DYNC1I1: variants seen among roughly 807,000 people sequenced by gnomAD.
DYNC1I1 encodes dynein cytoplasmic 1 intermediate chain 1.
A neutral mutation model predicts 86.6 loss-of-function variants in DYNC1I1; 43 were observed. That is an observed-to-expected ratio of 0.50 (90% CI 0.39 to 0.64). The LOEUF is 0.64. Among genes scored for constraint, DYNC1I1 ranks in the 30% least tolerant of loss-of-function variants. DYNC1I1 has a pLI of 0.00. For synonymous variants in DYNC1I1, 262 were observed against 283.7 expected, an observed-to-expected ratio of 0.92 and a Z score of 0.77; for missense variants, 604 against 788.8, an observed-to-expected ratio of 0.77 and a Z score of 2.81.
At chr7:96,043,539 A>T (rs74685966) in intron 14 of DYNC1I1, among the ~76,000 whole-genome samples, 1 of 69,364 alleles carries the variant, frequency 1.4e-5, no homozygotes, top group South Asian at 3.2e-4. Context: ...ACAATGTATT[A>T]AAAAAAAAAA....
chr7:95,836,132 A>G (rs1584264698), intron 5 of DYNC1I1, among the ~76,000 whole-genome samples: 1 of 152,182 alleles, frequency 6.6e-6, no homozygotes, highest in Non-Finnish European at 1.5e-5. Context: ...TTCCATGTTT[A>G]GCGCTTCCTT....
At chr7:95,820,725 C>T (rs1562906721) in intron 4 of DYNC1I1, among the ~76,000 whole-genome samples, 1 of 152,182 alleles carries the variant, frequency 6.6e-6, no homozygotes, top group African/African-American at 2.4e-5. Flanking sequence ...CACAAATCAG[C>T]AATATGTTGA....
chr7:95,991,394 A>G (rs1175376135), intron 9 of DYNC1I1, among the ~76,000 whole-genome samples: 3 of 152,208 alleles, frequency 2.0e-5, no homozygotes, highest in African/African-American at 7.2e-5. Flanking sequence ...AAGTAGACAG[A>G]GGAATTTACT....
chr7:95,909,797 G>A (rs997716052), intron 6 of DYNC1I1, among the ~76,000 whole-genome samples: 41 of 152,122 alleles, frequency 2.7e-4, no homozygotes, highest in African/African-American at 9.7e-4. Context: ...GGCAGTGCGA[G>A]CCACAGACTT....
chr7:95,807,938 G>A (rs565073808), intron 2 of DYNC1I1, among the ~76,000 whole-genome samples: 2 of 152,214 alleles, frequency 1.3e-5, no homozygotes, highest in African/African-American at 4.8e-5. Flanking sequence ...TAATCATTGA[G>A]TCAATGTCAA....
intron 14 of DYNC1I1, among the ~76,000 whole-genome samples, chr7:96,061,710 T>TCACACACACA (rs753791899): frequency 8.9e-6 from 1 of 112,612 alleles, no homozygotes; most frequent in African/African-American, 3.9e-5. Flanking sequence ...TCTCTCTCTC[T>TCACACACACA]CTCACACACA....
intron 4 of DYNC1I1, among the ~76,000 whole-genome samples, chr7:95,819,800 G>T (rs759405159): frequency 2.0e-5 from 3 of 152,102 alleles, no homozygotes; most frequent in Non-Finnish European, 4.4e-5. Context: ...TTACACTATA[G>T]GGTTTTCTCT....
At position 96,054,293 on chromosome 7, in the gene DYNC1I1, A is replaced by G. The variant is rs769791969; in HGVS notation, c.1509+14872A>G. Among the ~76,000 whole-genome samples, 83 of 152,316 alleles carry G rather than the reference A, an allele frequency of 5.4e-4. 1 individual carries two copies. The highest frequency in any genetic ancestry group is 6.8e-3 in the Middle Eastern group (2 of 294). ...AGAATGATGGTTTCCAGCTTCATCC[A>G]TGTCCCTGCAAAGGGCAGGAACTCA... On this transcript the variant is annotated intron_variant, in intron 14 of 16. Coordinates refer to ENST00000447467, the MANE Select transcript of DYNC1I1 (RefSeq NM_001135556.2).
intron 9 of DYNC1I1, among the ~76,000 whole-genome samples, chr7:95,990,608 A>C (rs1227723074): frequency 1.3e-5 from 2 of 152,162 alleles, no homozygotes; most frequent in Non-Finnish European, 2.9e-5. Context: ...AAGATTACTT[A>C]TACACTCTGT....
intron 15 of DYNC1I1, among the ~76,000 whole-genome samples, chr7:96,079,689 A>T (rs1383683122): frequency 6.6e-6 from 1 of 152,094 alleles, no homozygotes; most frequent in South Asian, 2.1e-4. Context: ...TCACGATGTC[A>T]CCCTGGAGAC....
chr7:95,825,260 G>C (rs1795180090), intron 4 of DYNC1I1, among the ~76,000 whole-genome samples: 1 of 152,186 alleles, frequency 6.6e-6, no homozygotes, highest in African/African-American at 2.4e-5. Flanking sequence ...GGTATAGTGA[G>C]TTCAGGTGAT....
At chr7:95,944,174 A>C (rs1412468347) in intron 6 of DYNC1I1, among the ~76,000 whole-genome samples, 1 of 152,252 alleles carries the variant, frequency 6.6e-6, no homozygotes, top group Non-Finnish European at 1.5e-5. Context: ...AAACAAATTT[A>C]CAAGAAAAAA....
chr7:95,838,875 A>C (rs1203873063), intron 5 of DYNC1I1, among the ~76,000 whole-genome samples: 1 of 152,018 alleles, frequency 6.6e-6, no homozygotes, highest in Non-Finnish European at 1.5e-5. Flanking sequence ...ATTTTTGTGG[A>C]GTCTATAAAG....
At chr7:95,796,810 G>C (rs548345242) in intron 1 of DYNC1I1, among the ~76,000 whole-genome samples, 1 of 151,620 alleles carries the variant, frequency 6.6e-6, no homozygotes, top group African/African-American at 2.4e-5. Context: ...AACCCCTAGG[G>C]GTTCCCCAGA....
At chr7:95,949,622 A>G (rs754246792) in intron 6 of DYNC1I1, among the ~76,000 whole-genome samples, 5 of 152,236 alleles carry the variant, frequency 3.3e-5, no homozygotes, top group Admixed American at 6.5e-5. Flanking sequence ...TGACATATTC[A>G]CTAGCCTGAC....
intron 14 of DYNC1I1, among the ~76,000 whole-genome samples, chr7:96,047,383 A>T (rs911336985): frequency 1.3e-5 from 2 of 152,244 alleles, no homozygotes; most frequent in African/African-American, 4.8e-5. Context: ...GGTGAACATT[A>T]TAATAGAACA....
chr7:95,887,994 C>T (rs1256709028), intron 6 of DYNC1I1, among the ~76,000 whole-genome samples: 1 of 152,204 alleles, frequency 6.6e-6, no homozygotes, highest in Non-Finnish European at 1.5e-5. Flanking sequence ...ACACTGTTTA[C>T]TGGACACTAA....
At chr7:95,839,039 T>C (rs1029927679) in intron 5 of DYNC1I1, among the ~76,000 whole-genome samples, 2 of 152,162 alleles carry the variant, frequency 1.3e-5, no homozygotes, top group African/African-American at 4.8e-5. Flanking sequence ...TCTTTTTCTT[T>C]TTATTTTTTG....
At chr7:95,962,422 A>G (rs1792895254) in intron 6 of DYNC1I1, among the ~76,000 whole-genome samples, 1 of 152,170 alleles carries the variant, frequency 6.6e-6, no homozygotes, top group Non-Finnish European at 1.5e-5. Flanking sequence ...GGGTCTTTCT[A>G]GCCCTTTGTT....
Sources: allele counts gnomAD v4.1 joint callset (sites outside exome capture counted in the v4.1 genomes callset), GRCh38; gene constraint gnomAD v4.1.1; transcripts MANE v1.5; gene names NCBI Gene and HGNC (gene_info 2026-07-23, HGNC 2026-07-21).